PACSIN1: variants seen among roughly 807,000 people sequenced by gnomAD.
The protein encoded by PACSIN1 is protein kinase C and casein kinase substrate in neurons 1, also known as protein kinase C and casein kinase substrate in neurons protein 1.
PACSIN1 carries 15 observed loss-of-function variants against 59.5 expected under a neutral mutation model. That is an observed-to-expected ratio of 0.25 (90% CI 0.17 to 0.39). The LOEUF is 0.39. Among genes scored for constraint, PACSIN1 ranks in the 10% least tolerant of loss-of-function variants. The probability of loss-of-function intolerance (pLI) is 1.00; values close to 1 mark genes in which losing one functional copy is unlikely to be tolerated. For missense variants in PACSIN1, 420 were observed against 580.2 expected, an observed-to-expected ratio of 0.72 and a Z score of 2.84; for synonymous variants, 210 against 220.6, an observed-to-expected ratio of 0.95 and a Z score of 0.42.
chr6:34,490,154 G>A (rs985986770), intron 1 of PACSIN1, among the ~76,000 whole-genome samples: 8 of 151,488 alleles, frequency 5.3e-5, no homozygotes, highest in Middle Eastern at 3.4e-3. Flanking sequence ...GGGTTCAAGT[G>A]AGCTTCCCAC....
At chr6:34,470,468 C>T (rs1049874277) in intron 1 of PACSIN1, among the ~76,000 whole-genome samples, 2 of 151,978 alleles carry the variant, frequency 1.3e-5, no homozygotes, top group East Asian at 1.9e-4. Flanking sequence ...TGTGAGCCAC[C>T]GCACCTGGCC....
intron 1 of PACSIN1, among the ~76,000 whole-genome samples, chr6:34,487,739 G>A (rs1042479856): frequency 7.2e-5 from 11 of 152,244 alleles, no homozygotes; most frequent in Middle Eastern, 3.4e-3. Context: ...CTCTGGGGAG[G>A]AGGCATAACC....
intron 3 of PACSIN1, 52 bp from the exon 4 acceptor site, chr6:34,528,590 G>C: frequency 7.7e-7 from 1 of 1,294,992 alleles, no homozygotes; most frequent in Non-Finnish European, 1.1e-6. Flanking sequence ...TGTGAGGGGG[G>C]GCCTCTGGGC....
chr6:34,526,716 CA>C (rs772327858), intron 2 of PACSIN1, among the ~76,000 whole-genome samples: 2 of 152,196 alleles, frequency 1.3e-5, no homozygotes, highest in Non-Finnish European at 2.9e-5. Context: ...CTGAGGTGGG[CA>C]GGGGTGGAGC....
chr6:34,526,673 A>T (rs531629423), intron 2 of PACSIN1, among the ~76,000 whole-genome samples: 5 of 152,178 alleles, frequency 3.3e-5, no homozygotes, highest in Non-Finnish European at 5.9e-5. Flanking sequence ...AGCCTTTCTC[A>T]GCTGTTCCTA....
chr6:34,517,019 A>G (rs1307032679), intron 1 of PACSIN1, among the ~76,000 whole-genome samples: 1 of 152,082 alleles, frequency 6.6e-6, no homozygotes, highest in Admixed American at 6.5e-5. Flanking sequence ...GTGAGGAGGT[A>G]TCTCCAGCTG....
intron 1 of PACSIN1, among the ~76,000 whole-genome samples, chr6:34,472,831 G>A (rs762107275): frequency 1.8e-4 from 27 of 152,196 alleles, no homozygotes; most frequent in Non-Finnish European, 2.2e-4. Context: ...CAAAGTGGTG[G>A]TTGTGTAGCA....
At chr6:34,495,096 A>G (rs1027154642) in intron 1 of PACSIN1, among the ~76,000 whole-genome samples, 15 of 152,000 alleles carry the variant, frequency 9.9e-5, no homozygotes, top group Non-Finnish European at 1.8e-4. Context: ...CAACACTCCT[A>G]ATTCCTACCC....
chr6:34,527,594 C>A, intron 3 of PACSIN1, 106 bp downstream of exon 3: 2 of 1,024,232 alleles, frequency 2.0e-6, no homozygotes, highest in Non-Finnish European at 2.7e-6. Context: ...CCTCCATCTA[C>A]CAGACACAGG....
intron 1 of PACSIN1, among the ~76,000 whole-genome samples, chr6:34,497,898 C>T (rs1766970902): frequency 6.6e-6 from 1 of 152,148 alleles, no homozygotes; most frequent in Admixed American, 6.5e-5. Flanking sequence ...AATACAGAGA[C>T]TAATACAATT....
At chr6:34,486,891 G>C (rs139556764) in intron 1 of PACSIN1, among the ~76,000 whole-genome samples, 1 of 152,176 alleles carries the variant, frequency 6.6e-6, no homozygotes, top group East Asian at 1.9e-4. Flanking sequence ...ATATAGTTGG[G>C]TGTGGTGGCT....
rs1320007980 is a variant in PACSIN1, at chr6:34,532,178, G to A, written c.1226-243G>A. On this transcript the variant is annotated intron_variant, in intron 9 of 9. Transcript: ENST00000244458. The surrounding 1 kb of genome is among the most constrained non-coding windows in gnomAD (Gnocchi z 5.2). ...TGAGAATAGTGTGGATGCGAGGTCTGGTTTTGGGGACGGACCCGACACCCA... is the reference window on the plus strand; with the variant it reads ...TGAGAATAGTGTGGATGCGAGGTCTAGTTTTGGGGACGGACCCGACACCCA... Among the ~76,000 whole-genome samples, 1 of 152,052 alleles carries A rather than the reference G, an allele frequency of 6.6e-6. No individual in the cohort carries two copies. The highest frequency in any genetic ancestry group is 1.5e-5 in the Non-Finnish European group (1 of 67,990).
chr6:34,493,884 C>G (rs1474213419), intron 1 of PACSIN1, among the ~76,000 whole-genome samples: 2 of 152,204 alleles, frequency 1.3e-5, no homozygotes, highest in East Asian at 3.8e-4. Flanking sequence ...GCCTGGAAGG[C>G]CAGGCTTCTG....
At chr6:34,494,058 T>C (rs1766914532) in intron 1 of PACSIN1, among the ~76,000 whole-genome samples, 1 of 152,220 alleles carries the variant, frequency 6.6e-6, no homozygotes, top group Admixed American at 6.5e-5. Flanking sequence ...GGCCAGTTAC[T>C]TGGGCAAAGT....
intron 1 of PACSIN1, among the ~76,000 whole-genome samples, chr6:34,499,657 A>T (rs1347015407): frequency 6.6e-6 from 1 of 151,930 alleles, no homozygotes; most frequent in Non-Finnish European, 1.5e-5. Context: ...TTATGCAGGC[A>T]TGGTGACGGG....
intron 1 of PACSIN1, among the ~76,000 whole-genome samples, chr6:34,520,480 C>A (rs1304991206): frequency 6.6e-6 from 1 of 152,152 alleles, no homozygotes; most frequent in Non-Finnish European, 1.5e-5. Context: ...AAGGACCCAC[C>A]CCTGGGTCTG....
rs1268757294 is a variant in PACSIN1, at chr6:34,516,831, G to A, written c.-63-9412G>A. On this transcript the variant is annotated intron_variant, in intron 1 of 9. Transcript: ENST00000244458. The surrounding 1 kb of genome is among the most constrained non-coding windows in gnomAD (Gnocchi z 5.4). The stretch of plus-strand genomic sequence containing the variant: ...GCCCAGGGCACCTGCCTGGAAGCCG[G>A]ATTGAGACTTGACCTCCCCTGGCAG... 6.6e-6 allele frequency among the ~76,000 whole-genome samples: 1 copy of A among 152,198 alleles called. No homozygotes were observed. Among genetic ancestry groups the A allele is most frequent in the African/African-American group, 2.4e-5 (1 of 41,458 alleles).
intron 1 of PACSIN1, among the ~76,000 whole-genome samples, chr6:34,490,928 A>C (rs7764733): frequency 0.023 from 3,423 of 152,012 alleles, 102 homozygotes; most frequent in African/African-American, 0.067. Flanking sequence ...GATTGACTCT[A>C]TTTTATCCCA....
chr6:34,507,084 C>T (rs1245234711), intron 1 of PACSIN1, among the ~76,000 whole-genome samples: 1 of 152,136 alleles, frequency 6.6e-6, no homozygotes, highest in Non-Finnish European at 1.5e-5. Flanking sequence ...CTCTGCTGAT[C>T]CTTTGGCTAA....
Sources: gnomAD v4.1 joint callset for allele counts (sites outside exome capture counted in the v4.1 genomes callset) on GRCh38, gnomAD v4.1.1 for gene constraint, Gnocchi (gnomAD v3.1) non-coding constraint, MANE v1.5 for transcripts, NCBI Gene and HGNC (gene_info 2026-07-23, HGNC 2026-07-21) for gene names.